The following PRKN variants were observed in gnomAD, a reference collection of about 807,000 sequenced individuals.
The protein encoded by PRKN is parkin RBR E3 ubiquitin protein ligase, also known as E3 ubiquitin-protein ligase parkin.
A neutral mutation model predicts 59.5 loss-of-function variants in PRKN; 56 were observed. That is an observed-to-expected ratio of 0.94 (90% CI 0.76 to 1.18). The LOEUF (loss-of-function observed/expected upper bound fraction) is 1.18. PRKN is among the 50% of genes most tolerant of loss of function. PRKN has a pLI of 0.00. For synonymous variants in PRKN, 250 were observed against 222.1 expected (o/e 1.13, Z -1.12); for missense variants, 657 against 596.4 (o/e 1.10, Z -1.06).
Position 162,181,075 on chromosome 6 carries a change from G to A in PRKN, c.534+20056C>T, listed in dbSNP as rs116168993. Among the ~76,000 whole-genome samples the A allele has an allele frequency of 8.2e-3, 1,255 of 152,274 alleles. 20 individuals carry two copies. Among genetic ancestry groups the A allele is most frequent in the African/African-American group, 0.029 (1,185 of 41,554 alleles). The stretch of plus-strand genomic sequence containing the variant: ...ACACCACGTTTCATTCAGAAAGAAC[G>A]TGAAACAGCCCATAACAATACAAGC... On this transcript the variant is annotated intron_variant, in intron 4 of 11. Coordinates refer to ENST00000366898, the MANE Select transcript of PRKN (RefSeq NM_004562.3).
At chr6:162,424,727 T>C (rs1053477551) in intron 2 of PRKN, among the ~76,000 whole-genome samples, 1 of 148,402 alleles carries the variant, frequency 6.7e-6, no homozygotes, top group Non-Finnish European at 1.5e-5. Flanking sequence ...AGAGCAAGAC[T>C]CTGTCTCAAA....
chr6:162,597,970 T>C (rs1253021772), intron 1 of PRKN, among the ~76,000 whole-genome samples: 1 of 152,226 alleles, frequency 6.6e-6, no homozygotes, highest in Non-Finnish European at 1.5e-5. Context: ...TTTTCAATGG[T>C]ATTTTACAAA....
chr6:162,205,237 T>G (rs1784889605), intron 3 of PRKN, among the ~76,000 whole-genome samples: 1 of 152,174 alleles, frequency 6.6e-6, no homozygotes. Flanking sequence ...TTTTCCTTTC[T>G]TTTCTTGGTC....
intron 7 of PRKN, among the ~76,000 whole-genome samples, chr6:161,662,627 C>T (rs766969408): frequency 2.0e-5 from 3 of 151,932 alleles, no homozygotes; most frequent in Non-Finnish European, 4.4e-5. Flanking sequence ...AGCTCTGCCA[C>T]CAGACCTCCA....
chr6:161,854,565 C>A, intron 6 of PRKN, among the ~76,000 whole-genome samples: 1 of 152,018 alleles, frequency 6.6e-6, no homozygotes, highest in South Asian at 2.1e-4. Context: ...GTGTACTTAC[C>A]TACATATAAC....
At chr6:161,583,265 T>A (rs1216116265) in intron 7 of PRKN, among the ~76,000 whole-genome samples, 1 of 152,104 alleles carries the variant, frequency 6.6e-6, no homozygotes, top group Non-Finnish European at 1.5e-5. Flanking sequence ...AAATAATATA[T>A]CGACTAGGTA....
chr6:161,691,014 C>T (rs1433869279), intron 7 of PRKN, among the ~76,000 whole-genome samples: 3 of 150,450 alleles, frequency 2.0e-5, no homozygotes, highest in Admixed American at 6.6e-5. Context: ...TCCAACCATC[C>T]GTCCATCCAT....
chr6:161,788,738 G>A (rs570570237), intron 6 of PRKN, among the ~76,000 whole-genome samples: 66 of 152,324 alleles, frequency 4.3e-4, no homozygotes, highest in Non-Finnish European at 7.5e-4. Context: ...TGCAACCGGG[G>A]AAGCTGGAAT....
intron 1 of PRKN, chr6:162,569,198 T>G: frequency 1.7e-6 from 1 of 572,716 alleles, no homozygotes; most frequent in South Asian, 1.6e-5. Context: ...GACTGAGATC[T>G]CCAAGATGAA....
intron 1 of PRKN, chr6:162,568,386 T>C (rs1203210180): frequency 4.3e-6 from 2 of 460,566 alleles, no homozygotes; most frequent in Non-Finnish European, 8.0e-6. Flanking sequence ...ACCATGTCCA[T>C]CAGGGTGACC....
chr6:162,229,277 A>G (rs975726357), intron 3 of PRKN, among the ~76,000 whole-genome samples: 14 of 152,120 alleles, frequency 9.2e-5, no homozygotes, highest in African/African-American at 3.4e-4. Flanking sequence ...GTGTTCAAGT[A>G]ACTGTGATTC....
intron 2 of PRKN, among the ~76,000 whole-genome samples, chr6:162,333,683 C>T (rs773461724): frequency 6.6e-6 from 1 of 152,120 alleles, no homozygotes; most frequent in African/African-American, 2.4e-5. Flanking sequence ...CGCAACTATA[C>T]TGTATTAGAC....
chr6:162,667,949 T>C (rs1779167035), intron 1 of PRKN, among the ~76,000 whole-genome samples: 1 of 152,206 alleles, frequency 6.6e-6, no homozygotes, highest in Admixed American at 6.6e-5. Flanking sequence ...AGGATTTACA[T>C]AGCATTAATA....
chr6:161,668,266 GAA>G (rs11386769), intron 7 of PRKN, among the ~76,000 whole-genome samples: 4 of 121,596 alleles, frequency 3.3e-5, no homozygotes, highest in Non-Finnish European at 5.2e-5. Flanking sequence ...TTCATATAAA[GAA>G]AAAAAAAAAA....
chr6:161,741,880 T>C (rs964935059), intron 7 of PRKN, among the ~76,000 whole-genome samples: 1 of 152,158 alleles, frequency 6.6e-6, no homozygotes. Flanking sequence ...AATTGAATCA[T>C]GGGGGTGGTT....
chr6:162,030,412 C>T (rs900251233), intron 5 of PRKN, among the ~76,000 whole-genome samples: 94 of 152,284 alleles, frequency 6.2e-4, no homozygotes, highest in African/African-American at 2.2e-3. Flanking sequence ...GCCTCATGCT[C>T]TCATCTGGCT....
intron 9 of PRKN, among the ~76,000 whole-genome samples, chr6:161,490,377 C>G (rs1777508160): frequency 7.9e-6 from 1 of 126,926 alleles, no homozygotes; most frequent in Non-Finnish European, 1.6e-5. Flanking sequence ...CTCTCTCTTT[C>G]TTTCTTTCCT....
At chr6:162,558,328 T>C (rs1207281289) in intron 1 of PRKN, among the ~76,000 whole-genome samples, 1 of 63,224 alleles carries the variant, frequency 1.6e-5, no homozygotes, top group Non-Finnish European at 3.5e-5. Context: ...TAATTTTCCC[T>C]TTTTTTTTTT....
chr6:162,401,006 T>C (rs926056374), intron 2 of PRKN, among the ~76,000 whole-genome samples: 5 of 151,914 alleles, frequency 3.3e-5, no homozygotes, highest in Admixed American at 3.3e-4. Flanking sequence ...AGTAAAAACA[T>C]TGATGATAAT....
Sources: allele counts gnomAD v4.1 joint callset (sites outside exome capture counted in the v4.1 genomes callset), GRCh38; gene constraint gnomAD v4.1.1; transcripts MANE v1.5; gene names NCBI Gene and HGNC (gene_info 2026-07-23, HGNC 2026-07-21).